The following FBXO4 variants were observed in gnomAD, a reference collection of about 807,000 sequenced individuals.
FBXO4 encodes the protein F-box only protein 4.
FBXO4 carries 36 observed loss-of-function variants against 43.7 expected under a neutral mutation model. The observed-to-expected ratio is 0.82, with a 90% CI of 0.63 to 1.09. The LOEUF is 1.09. Ranked by LOEUF, FBXO4 falls within the 50% of genes least tolerant of loss-of-function variation. The pLI is 0.00. For missense variants in FBXO4, 435 were observed against 474.1 expected, an observed-to-expected ratio of 0.92 and a Z score of 0.77; for synonymous variants, 180 against 165.6, an observed-to-expected ratio of 1.09 and a Z score of -0.67.
chr5:41,961,577 A>G, the FBXO4 span, among the ~76,000 whole-genome samples: 1 of 152,170 alleles, frequency 6.6e-6, no homozygotes, highest in Non-Finnish European at 1.5e-5. Context: ...TAAGCATGGG[A>G]GCACAGGCTT....
the FBXO4 span, among the ~76,000 whole-genome samples, chr5:41,949,500 C>CTT: frequency 2.0e-5 from 3 of 152,162 alleles, no homozygotes; most frequent in African/African-American, 7.2e-5. Flanking sequence ...AGGAATCCAA[C>CTT]TTACAAGGGA....
In FBXO4 at chr5:41,941,386, T is replaced by G. The variant is rs889331808; in HGVS notation, c.*105T>G. 3 of 871,310 alleles carry G rather than the reference T, an allele frequency of 3.4e-6. No individual in the cohort carries two copies. Among genetic ancestry groups the G allele is most frequent in the Non-Finnish European group, 5.7e-6 (3 of 529,978 alleles). 54.0% of individuals were successfully genotyped at this position (871,310 alleles called of 1,614,324 possible). On this transcript the variant is annotated 3_prime_UTR_variant, in exon 7 of 7. Coordinates refer to ENST00000281623, the MANE Select transcript of FBXO4 (RefSeq NM_012176.3). ...CCACCTTGTCCTGCCTTTTTGCAGA[T>G]AGGCTTTCATTTGGACAGCTATAAC...
At chr5:41,938,495 A>G (rs182531406) in intron 5 of FBXO4, among the ~76,000 whole-genome samples, 1 of 152,376 alleles carries the variant, frequency 6.6e-6, no homozygotes, top group African/African-American at 2.4e-5. Flanking sequence ...ATACATTTAA[A>G]TGCACCTTGT....
chr5:41,963,027 A>G, the FBXO4 span, among the ~76,000 whole-genome samples: 1 of 152,180 alleles, frequency 6.6e-6, no homozygotes, highest in African/African-American at 2.4e-5. Flanking sequence ...GCACTCTGAT[A>G]AATTTTTTTC....
At chr5:41,953,245 T>G in the FBXO4 span, among the ~76,000 whole-genome samples, 1 of 148,268 alleles carries the variant, frequency 6.7e-6, no homozygotes, top group Non-Finnish European at 1.5e-5. Context: ...GAACATGTGG[T>G]GTTTGGTTTT....
the FBXO4 span, chr5:41,968,021 C>A: frequency 2.2e-5 from 9 of 415,872 alleles, no homozygotes; most frequent in Admixed American, 9.1e-5. Context: ...TGCTCCTCCA[C>A]CTCCTGCCGC....
the FBXO4 span, among the ~76,000 whole-genome samples, chr5:41,952,830 A>C: frequency 5.3e-5 from 8 of 151,968 alleles, no homozygotes; most frequent in Non-Finnish European, 1.0e-4. Flanking sequence ...GTCAATTTTA[A>C]ACAATTTTAG....
chr5:41,950,622 A>G, the FBXO4 span, among the ~76,000 whole-genome samples: 16 of 152,232 alleles, frequency 1.1e-4, no homozygotes, highest in Admixed American at 9.8e-4. Flanking sequence ...GTGGGAGTGT[A>G]AATTAGTTCA....
rs759540641 is a variant in FBXO4 at position 41,929,787 on chromosome 5, C to T, written c.516C>T (p.Ile172=). The T allele has an allele frequency of 5.0e-6, 8 of 1,614,024 alleles. No homozygotes were observed. In the South Asian group the frequency reaches 7.7e-5, roughly 16 times the overall value. Residue 172 remains isoleucine (I), a synonymous_variant, in exon 3 of 7, where the codon ATC becomes ATT. Transcript: ENST00000281623. ...GAVTSFLHSL[I]IQNEPRFAMF... ...TCACTTCTTTTTTACACTCCCTGAT[C>T]ATTCAGAATGAACCACGATTTGCTA...
the FBXO4 span, among the ~76,000 whole-genome samples, chr5:41,947,261 A>G: frequency 2.0e-5 from 3 of 152,238 alleles, no homozygotes; most frequent in African/African-American, 4.8e-5. Context: ...ACCTTCATCA[A>G]TTAAGAGATA....
the FBXO4 span, among the ~76,000 whole-genome samples, chr5:42,017,283 T>C: frequency 6.6e-6 from 1 of 151,972 alleles, no homozygotes; most frequent in East Asian, 1.9e-4. Flanking sequence ...AAGAAAAAAG[T>C]CATGAAAATA....
the FBXO4 span, among the ~76,000 whole-genome samples, chr5:41,948,175 G>A: frequency 7.3e-6 from 1 of 137,776 alleles, no homozygotes; most frequent in Non-Finnish European, 1.5e-5. Flanking sequence ...CTCGCTCATC[G>A]CCCAGGCTGG....
the FBXO4 span, chr5:41,967,277 G>T: frequency 2.2e-6 from 1 of 461,798 alleles, no homozygotes; most frequent in Middle Eastern, 3.4e-4. Context: ...AAACTGGAGT[G>T]ATATAACTGG....
the FBXO4 span, among the ~76,000 whole-genome samples, chr5:42,029,836 A>G: frequency 2.0e-4 from 31 of 152,108 alleles, no homozygotes; most frequent in Admixed American, 1.1e-3. Flanking sequence ...TGTTAAATTT[A>G]TCCAATAGAA....
At chr5:41,970,434 C>A in the FBXO4 span, among the ~76,000 whole-genome samples, 2 of 151,660 alleles carry the variant, frequency 1.3e-5, no homozygotes, top group East Asian at 3.9e-4. Flanking sequence ...CAGAAGAAAA[C>A]CAGTTATAAA....
At chr5:41,936,432 G>A (rs1456962856) in intron 5 of FBXO4, among the ~76,000 whole-genome samples, 2 of 152,104 alleles carry the variant, frequency 1.3e-5, no homozygotes, top group East Asian at 3.9e-4. Context: ...TACTTGGGAG[G>A]CTGAGGCAGG....
the FBXO4 span, among the ~76,000 whole-genome samples, chr5:41,954,231 G>A: frequency 6.6e-6 from 1 of 151,688 alleles, no homozygotes; most frequent in Non-Finnish European, 1.5e-5. Context: ...AAAAATTTAA[G>A]GAAATATTTA....
the FBXO4 span, among the ~76,000 whole-genome samples, chr5:42,031,596 AC>A: frequency 6.6e-6 from 1 of 151,854 alleles, no homozygotes; most frequent in African/African-American, 2.4e-5. Context: ...GTACCCTAAA[AC>A]TTAAAGTATA....
the FBXO4 span, among the ~76,000 whole-genome samples, chr5:42,007,830 T>C: frequency 6.6e-6 from 1 of 152,088 alleles, no homozygotes. Flanking sequence ...CTAATCCCAA[T>C]TATTTCTAGA....
Sources: gnomAD v4.1 joint callset for allele counts (sites outside exome capture counted in the v4.1 genomes callset) on GRCh38, gnomAD v4.1.1 for gene constraint, MANE v1.5 for transcripts, NCBI Gene and HGNC (gene_info 2026-07-23, HGNC 2026-07-21) for gene names.